MITF: variants seen among roughly 807,000 people sequenced by gnomAD.
The protein encoded by MITF is microphthalmia-associated transcription factor.
A neutral mutation model predicts 60.5 loss-of-function variants in MITF; 17 were observed. The ratio of observed to expected loss-of-function variants is 0.28; its 90% CI spans 0.19 to 0.42. The LOEUF (loss-of-function observed/expected upper bound fraction) is 0.42. Ranked by LOEUF, MITF falls within the 10% of genes least tolerant of loss-of-function variation. The probability of loss-of-function intolerance (pLI) is 1.00; values close to 1 mark genes in which losing one functional copy is unlikely to be tolerated. For missense variants in MITF, 622 were observed against 683.5 expected (o/e 0.91, Z 1.00); for synonymous variants, 260 against 248.5 (o/e 1.05, Z -0.43).
chr3:69,827,179 G>C (rs1480856013), intron 1 of MITF, among the ~76,000 whole-genome samples: 2 of 152,140 alleles, frequency 1.3e-5, no homozygotes, highest in Non-Finnish European at 2.9e-5. Flanking sequence ...TACCACCACT[G>C]CCAGTTGAGT....
At chr3:69,870,392 G>T (rs1270710145) in intron 1 of MITF, among the ~76,000 whole-genome samples, 2 of 147,302 alleles carry the variant, frequency 1.4e-5, no homozygotes, top group African/African-American at 5.0e-5. Context: ...ATATATATGT[G>T]TATAAATATA....
intron 2 of MITF, among the ~76,000 whole-genome samples, chr3:69,914,860 T>C (rs545005563): frequency 6.6e-6 from 1 of 152,286 alleles, no homozygotes; most frequent in East Asian, 1.9e-4. Context: ...ACTCTACAGA[T>C]ATATTCCAGA....
intron 1 of MITF, among the ~76,000 whole-genome samples, chr3:69,781,835 T>A (rs549856430): frequency 6.6e-6 from 1 of 152,346 alleles, no homozygotes; most frequent in Non-Finnish European, 1.5e-5. Flanking sequence ...CCAACACAGT[T>A]AGGAACAGCA....
rs776280031 is a variant in MITF at position 69,739,550 on chromosome 3, G to A, written c.-48G>A. On this transcript the variant is annotated 5_prime_UTR_variant, in exon 1 of 10. Coordinates refer to ENST00000352241, the MANE Select transcript of MITF (RefSeq NM_001354604.2). ...GCCCAGCTACCTTCCCTCCGCCCCC[G>A]GGCTCTGTTCTCACTTTCCAGCAGT... The A allele has an allele frequency of 6.6e-7, 1 of 1,508,598 alleles. No homozygotes were observed. Among genetic ancestry groups the A allele is most frequent in the South Asian group, 1.2e-5 (1 of 83,186 alleles). 93.5% of individuals were successfully genotyped at this position (1,508,598 alleles called of 1,614,324 possible).
At chr3:69,925,144 G>A (rs1326354734) in intron 2 of MITF, among the ~76,000 whole-genome samples, 1 of 152,080 alleles carries the variant, frequency 6.6e-6, no homozygotes, top group African/African-American at 2.4e-5. Flanking sequence ...TATGTGCCAA[G>A]TACTTTTCAT....
chr3:69,767,801 G>T, intron 1 of MITF, among the ~76,000 whole-genome samples: 1 of 152,174 alleles, frequency 6.6e-6, no homozygotes, highest in East Asian at 1.9e-4. Context: ...GGGTTGGAGG[G>T]TGGCCAGGGC....
chr3:69,963,872 T>C (rs911003199), intron 9 of MITF, among the ~76,000 whole-genome samples: 1 of 152,058 alleles, frequency 6.6e-6, no homozygotes, highest in African/African-American at 2.4e-5. Flanking sequence ...GCTCTGTGAG[T>C]TCATTGCAGC....
intron 6 of MITF, among the ~76,000 whole-genome samples, chr3:69,951,471 A>C (rs1392110320): frequency 6.6e-6 from 1 of 152,144 alleles, no homozygotes; most frequent in African/African-American, 2.4e-5. Flanking sequence ...CAGACCCCTG[A>C]TAATAGAGTA....
chr3:69,936,956 T>C, intron 2 of MITF: 2 of 513,608 alleles, frequency 3.9e-6, no homozygotes, highest in Non-Finnish European at 6.7e-6. Context: ...TCTTTTTTTT[T>C]TTTTTTTTTG....
intron 1 of MITF, among the ~76,000 whole-genome samples, chr3:69,746,589 A>C (rs1703736919): frequency 6.6e-6 from 1 of 152,288 alleles, no homozygotes; most frequent in South Asian, 2.1e-4. Flanking sequence ...ATAAATTATA[A>C]AAATATGTTT....
chr3:69,964,836 T>C lies in MITF; in HGVS notation c.1180-11T>C, dbSNP rs538450872. On this transcript the variant is annotated splice_polypyrimidine_tract_variant and intron_variant, in intron 9 of 9. Transcript: ENST00000352241. Reference sequence around the variant, plus strand: ...GCCTATTTCAGTGTTTTATCTTTACTCTTATTATAGGAACTTGAAATGCAG... The same window carrying C: ...GCCTATTTCAGTGTTTTATCTTTACCCTTATTATAGGAACTTGAAATGCAG... 24 of 1,613,874 alleles carry C rather than the reference T, an allele frequency of 1.5e-5. No individual in the cohort carries two copies. In the South Asian group the frequency reaches 1.9e-4, roughly 13 times the overall value.
chr3:69,915,533 T>C (rs1431324204), intron 2 of MITF, among the ~76,000 whole-genome samples: 1 of 151,736 alleles, frequency 6.6e-6, no homozygotes, highest in Non-Finnish European at 1.5e-5. Context: ...ATTTAAAATA[T>C]ATATATTTAT....
chr3:69,880,722 G>C (rs1417621274), intron 2 of MITF, among the ~76,000 whole-genome samples: 6 of 151,930 alleles, frequency 3.9e-5, no homozygotes, highest in African/African-American at 1.4e-4. Context: ...TTATGTTGTT[G>C]TCTCATGCCT....
intron 1 of MITF, among the ~76,000 whole-genome samples, chr3:69,848,865 T>A (rs2063775365): frequency 1.3e-5 from 2 of 152,110 alleles, no homozygotes; most frequent in Non-Finnish European, 2.9e-5. Context: ...TATTGTGTGA[T>A]TAATGAGAAT....
chr3:69,849,857 C>G (rs1181713231), intron 1 of MITF, among the ~76,000 whole-genome samples: 1 of 152,208 alleles, frequency 6.6e-6, no homozygotes, highest in Non-Finnish European at 1.5e-5. Flanking sequence ...ATATACCTCT[C>G]AATCTTCAGG....
At position 69,965,675 on chromosome 3, in the gene MITF, GGAAAA is replaced by G. The variant is rs2107554846; in HGVS notation, c.*432_*436del. ...AAAGAAAAAAAAAAAGAAAGAAAGA[GGAAAA>G]GAAATCCATACTAACCCTTTTCCAT... On this transcript the variant is annotated 3_prime_UTR_variant, in exon 10 of 10. Coordinates refer to ENST00000352241, the MANE Select transcript of MITF (RefSeq NM_001354604.2). The G allele has an allele frequency of 4.0e-6, 1 of 252,662 alleles. No homozygotes were observed. The highest frequency in any genetic ancestry group is 1.1e-4 in the South Asian group (1 of 8,992). The allele number at this position is 252,662 out of a possible 1,614,324, so 15.7% of individuals were successfully genotyped here.
At chr3:69,963,970 C>CTTTTTTTT (rs56921812) in intron 9 of MITF, among the ~76,000 whole-genome samples, 1,334 of 86,044 alleles carry the variant, frequency 0.016, 7 homozygotes, top group African/African-American at 0.017. Flanking sequence ...TTTTTCTTTT[C>CTTTTTTTT]TTTTTTTTTT....
At position 69,959,312 on chromosome 3, in the gene MITF, C is replaced by T. The variant is rs149086403; in HGVS notation, c.1071C>T (p.Ser357=). ...ACAAGGGAACCATCTTAAAAGCATC[C>T]GTGGACTATATCCGAAAGTTGCAAC... ...RWNKGTILKA[S]VDYIRKLQRE... Residue 357 remains serine, a synonymous_variant, in exon 9 of 10, where the codon TCC becomes TCT. Coordinates refer to ENST00000352241, the MANE Select transcript of MITF (RefSeq NM_001354604.2). 64 of 1,613,880 alleles carry T rather than the reference C, an allele frequency of 4.0e-5. No homozygotes were observed. The highest frequency in any genetic ancestry group is 8.0e-5 in the African/African-American group (6 of 74,894).
chr3:69,761,596 A>C (rs1377278079), intron 1 of MITF, among the ~76,000 whole-genome samples: 1 of 152,190 alleles, frequency 6.6e-6, no homozygotes, highest in African/African-American at 2.4e-5. Context: ...TTATGAAGTA[A>C]AGGCAGAAGA....
Sources: allele counts gnomAD v4.1 joint callset (sites outside exome capture counted in the v4.1 genomes callset), GRCh38; gene constraint gnomAD v4.1.1; transcripts MANE v1.5; gene names NCBI Gene and HGNC (gene_info 2026-07-23, HGNC 2026-07-21).